Variants in NRXN3 observed in about 807,000 individuals in gnomAD.
The protein encoded by NRXN3 is neurexin III.
Under a neutral mutation model 137.6 loss-of-function variants are expected in NRXN3, and 32 were observed. That is an observed-to-expected ratio of 0.23 (90% CI 0.18 to 0.31). The LOEUF (loss-of-function observed/expected upper bound fraction) is 0.31. Among genes scored for constraint, NRXN3 ranks in the 10% least tolerant of loss-of-function variants. The probability of loss-of-function intolerance (pLI) is 1.00; values close to 1 mark genes in which losing one functional copy is unlikely to be tolerated. For synonymous variants in NRXN3, 798 were observed against 784.5 expected (o/e 1.02, Z -0.29); for missense variants, 1,574 against 2,062.5 (o/e 0.76, Z 4.59).
At chr14:78,727,612 G>A (rs1466063278) in intron 8 of NRXN3, among the ~76,000 whole-genome samples, 1 of 152,150 alleles carries the variant, frequency 6.6e-6, no homozygotes, top group Non-Finnish European at 1.5e-5. Context: ...GTGCTTGCCT[G>A]TAATCCCAGC....
At chr14:78,191,793 T>C (rs1240783285) in intron 1 of NRXN3, among the ~76,000 whole-genome samples, 2 of 152,184 alleles carry the variant, frequency 1.3e-5, no homozygotes, top group African/African-American at 4.8e-5. Flanking sequence ...CAGGGCCTCT[T>C]GTGGCAAGTA....
intron 15 of NRXN3, among the ~76,000 whole-genome samples, chr14:79,411,079 T>C (rs1795723192): frequency 6.6e-6 from 1 of 152,102 alleles, no homozygotes; most frequent in African/African-American, 2.4e-5. Context: ...AGGTTTTGCA[T>C]AAGGTAATTT....
At chr14:79,265,499 T>C (rs1169849717) in intron 15 of NRXN3, among the ~76,000 whole-genome samples, 1 of 151,994 alleles carries the variant, frequency 6.6e-6, no homozygotes, top group Non-Finnish European at 1.5e-5. Flanking sequence ...TATTGCTGGA[T>C]GTTCTTATTC....
At chr14:79,738,506 A>T (rs2098949893) in intron 19 of NRXN3, among the ~76,000 whole-genome samples, 1 of 152,144 alleles carries the variant, frequency 6.6e-6, no homozygotes, top group South Asian at 2.1e-4. Flanking sequence ...GCTCAATGAT[A>T]CTAATTTCAA....
At chr14:78,615,535 C>A (rs938137761) in intron 4 of NRXN3, among the ~76,000 whole-genome samples, 1 of 151,938 alleles carries the variant, frequency 6.6e-6, no homozygotes, top group South Asian at 2.1e-4. Context: ...GGCGTGAACC[C>A]GGGAGGTGGA....
intron 15 of NRXN3, among the ~76,000 whole-genome samples, chr14:78,996,772 G>A (rs2099531060): frequency 6.6e-6 from 1 of 152,124 alleles, no homozygotes; most frequent in Non-Finnish European, 1.5e-5. Flanking sequence ...GGTCCCAGAA[G>A]GCGAGACAGA....
At chr14:78,987,968 C>T in intron 14 of NRXN3, 54 bp from the exon 15 acceptor site, 1 of 1,561,730 alleles carries the variant, frequency 6.4e-7, no homozygotes, top group Non-Finnish European at 8.7e-7. Context: ...TAATTTTTAA[C>T]ATTTCTTCTC....
chr14:79,717,260 C>T, intron 19 of NRXN3, among the ~76,000 whole-genome samples: 1 of 152,212 alleles, frequency 6.6e-6, no homozygotes. Context: ...GCACACATAG[C>T]TTTGACTTCC....
At chr14:79,673,883 A>G (rs570623436) in intron 17 of NRXN3, among the ~76,000 whole-genome samples, 2 of 152,184 alleles carry the variant, frequency 1.3e-5, no homozygotes, top group South Asian at 2.1e-4. Flanking sequence ...TACTGTTATC[A>G]TTTCACAAAT....
At chr14:79,285,536 G>T (rs1329497159) in intron 15 of NRXN3, among the ~76,000 whole-genome samples, 1 of 152,164 alleles carries the variant, frequency 6.6e-6, no homozygotes, top group Non-Finnish European at 1.5e-5. Flanking sequence ...CAAGGTGTCA[G>T]CAGGTTTAGT....
At chr14:79,175,890 A>G (rs2062282954) in intron 15 of NRXN3, among the ~76,000 whole-genome samples, 2 of 152,222 alleles carry the variant, frequency 1.3e-5, no homozygotes, top group Non-Finnish European at 2.9e-5. Flanking sequence ...GTGAAACTGA[A>G]TATCATCAGC....
In NRXN3 at chr14:78,386,629, A is replaced by G. The variant is rs185325625; in HGVS notation, c.757+88769A>G. Among the ~76,000 whole-genome samples the G allele has an allele frequency of 2.6e-3, 392 of 152,348 alleles. 1 individual carries two copies. Among genetic ancestry groups the G allele is most frequent in the Admixed American group, 4.8e-3 (74 of 15,306 alleles). ...ATTATTCTTACTTTATGGATGAACA[A>G]ACCAAAGGCTAGAATATGTAAGTGA... On this transcript the variant is annotated intron_variant, in intron 4 of 20. Coordinates refer to ENST00000335750, the MANE Select transcript of NRXN3 (RefSeq NM_001330195.2).
At chr14:78,500,367 A>G (rs557487674) in intron 4 of NRXN3, among the ~76,000 whole-genome samples, 16 of 152,266 alleles carry the variant, frequency 1.1e-4, no homozygotes, top group African/African-American at 3.9e-4. Context: ...GCCTCTAATA[A>G]AGGGAACAGT....
intron 15 of NRXN3, among the ~76,000 whole-genome samples, chr14:79,199,232 CCTT>C (rs369140163): frequency 1.3e-5 from 2 of 151,438 alleles, no homozygotes; most frequent in African/African-American, 2.4e-5. Flanking sequence ...TCCTTCTCTT[CCTT>C]CTTCTCTTTC....
chr14:79,739,648 CAAAAAAAAAAA>C lies in NRXN3; in HGVS notation c.4014+41730_4014+41740del, dbSNP rs72347811. On this transcript the variant is annotated intron_variant, in intron 19 of 20. Transcript: ENST00000335750. ...TGGGTGACAGAACGAGACTCTGCCTCAAAAAAAAAAAAAAAAAAAAAAAAAAAAAGAACCCA... is the reference window on the plus strand; with the variant it reads ...TGGGTGACAGAACGAGACTCTGCCTCAAAAAAAAAAAAAAAAAAGAACCCA... Among the ~76,000 whole-genome samples, 43 of 31,824 alleles carry C rather than the reference CAAAAAAAAAAA, an allele frequency of 1.4e-3. No homozygotes were observed. The East Asian group carries it at 0.028, about 21-fold the overall frequency. 20.9% of individuals were successfully genotyped at this position (31,824 alleles called of 152,430 possible).
In NRXN3 at chr14:78,709,518, T is replaced by C; in HGVS notation, c.1523T>C (p.Phe508Ser). ...CAGAAGAATACAAAAGTAGACTTCT[T>C]TGCCGTGGAACTCCTCGATGGCAAC... Reference protein sequence around the residue: ...RSQKNTKVDFFAVELLDGNLY... With the variant: ...RSQKNTKVDFSAVELLDGNLY... The change falls in exon 7 of 21, where the codon TTT becomes TCT. Residue 508 changes from phenylalanine (F) to serine (S), a missense_variant. Around this residue, in one of 5 missense-constraint regions of NRXN3, gnomAD observed 718 missense variants for 887.6 expected, o/e 0.81. Transcript: ENST00000335750. 6.2e-7 allele frequency: 1 copy of C among 1,614,080 alleles called. No homozygotes were observed. The highest frequency in any genetic ancestry group is 2.2e-5 in the East Asian group (1 of 44,832).
At chr14:79,233,634 G>A (rs1389564979) in intron 15 of NRXN3, among the ~76,000 whole-genome samples, 3 of 151,758 alleles carry the variant, frequency 2.0e-5, no homozygotes, top group African/African-American at 7.3e-5. Context: ...GAAAATTGCA[G>A]TGGTCCAGAC....
chr14:78,331,096 A>G (rs2080767692), intron 4 of NRXN3, among the ~76,000 whole-genome samples: 1 of 152,172 alleles, frequency 6.6e-6, no homozygotes, highest in Non-Finnish European at 1.5e-5. Flanking sequence ...TCATGAGTCT[A>G]TAATGTCAAA....
At chr14:78,750,095 T>A (rs1472305080) in intron 8 of NRXN3, among the ~76,000 whole-genome samples, 5 of 152,226 alleles carry the variant, frequency 3.3e-5, no homozygotes, top group African/African-American at 4.8e-5. Context: ...GTTCCATGAA[T>A]CTAGCTTCCG....
Sources: allele counts gnomAD v4.1 joint callset (sites outside exome capture counted in the v4.1 genomes callset), GRCh38; gene constraint gnomAD v4.1.1; regional missense constraint gnomAD v4.1.1; transcripts MANE v1.5; gene names NCBI Gene and HGNC (gene_info 2026-07-23, HGNC 2026-07-21).